CADM2: variants seen among roughly 807,000 people sequenced by gnomAD.
The protein encoded by CADM2 is cell adhesion molecule 2, also known as immunoglobulin superfamily member 4D.
Under a neutral mutation model 49.8 loss-of-function variants are expected in CADM2, and 12 were observed. That is an observed-to-expected ratio of 0.24 (90% confidence interval 0.15 to 0.39). The LOEUF (loss-of-function observed/expected upper bound fraction) is 0.39. Among genes scored for constraint, CADM2 ranks in the 10% least tolerant of loss-of-function variants. The pLI, the probability that CADM2 is intolerant of heterozygous loss-of-function variation, is 1.00. For missense variants in CADM2, 378 were observed against 492.3 expected (o/e 0.77, Z 2.20); for synonymous variants, 214 against 175.4 (o/e 1.22, Z -1.74).
chr3:85,165,954 C>G (rs542103005), intron 1 of CADM2, among the ~76,000 whole-genome samples: 1 of 151,538 alleles, frequency 6.6e-6, no homozygotes, highest in African/African-American at 2.4e-5. Flanking sequence ...TAGATTGCAT[C>G]TTAAATCTAT....
At chr3:86,061,953 T>G (rs1469564141) in intron 8 of CADM2, among the ~76,000 whole-genome samples, 1 of 145,326 alleles carries the variant, frequency 6.9e-6, no homozygotes, top group Admixed American at 7.2e-5. Flanking sequence ...TAATGCAATA[T>G]GGAGAAAAGA....
At chr3:85,562,358 A>G (rs2062118049) in intron 1 of CADM2, among the ~76,000 whole-genome samples, 1 of 151,656 alleles carries the variant, frequency 6.6e-6, no homozygotes, top group Non-Finnish European at 1.5e-5. Flanking sequence ...CACGCCTGAA[A>G]TCCCAGCTAC....
chr3:85,335,575 C>T (rs1290846712), intron 1 of CADM2, among the ~76,000 whole-genome samples: 1 of 150,802 alleles, frequency 6.6e-6, no homozygotes, highest in Non-Finnish European at 1.5e-5. Flanking sequence ...TTGTTGAGGA[C>T]ATTCAAAATC....
intron 1 of CADM2, among the ~76,000 whole-genome samples, chr3:85,698,643 C>A (rs910257605): frequency 1.3e-5 from 2 of 152,120 alleles, no homozygotes; most frequent in East Asian, 3.9e-4. Flanking sequence ...CTTATGAGAA[C>A]TCTACCATGA....
chr3:85,504,614 C>T (rs2040245481), intron 1 of CADM2, among the ~76,000 whole-genome samples: 1 of 152,204 alleles, frequency 6.6e-6, no homozygotes, highest in Admixed American at 6.5e-5. Flanking sequence ...CTGGCTTCAC[C>T]CAGTAGATAC....
intron 7 of CADM2, among the ~76,000 whole-genome samples, chr3:85,953,040 C>A (rs1723641062): frequency 1.3e-5 from 2 of 150,652 alleles, no homozygotes; most frequent in Non-Finnish European, 3.0e-5. Flanking sequence ...ACCTGTACCC[C>A]AAACTTTTCA....
At chr3:86,032,320 T>A (rs1015330842) in intron 8 of CADM2, among the ~76,000 whole-genome samples, 1 of 151,830 alleles carries the variant, frequency 6.6e-6, no homozygotes, top group Non-Finnish European at 1.5e-5. Context: ...ACAGCTTTTG[T>A]TTCAAAGGAC....
chr3:85,813,917 T>C (rs1464347023), intron 3 of CADM2, among the ~76,000 whole-genome samples: 1 of 152,170 alleles, frequency 6.6e-6, no homozygotes, highest in East Asian at 1.9e-4. Flanking sequence ...TTGGTACTAC[T>C]ACCATGCTGT....
At chr3:86,017,929 A>G (rs551571367) in intron 8 of CADM2, among the ~76,000 whole-genome samples, 33 of 144,230 alleles carry the variant, frequency 2.3e-4, no homozygotes, top group Non-Finnish European at 3.0e-4. Context: ...CACATTGTGC[A>G]GGTTAGTTAC....
At chr3:85,400,520 AAT>A (rs1435819786) in intron 1 of CADM2, among the ~76,000 whole-genome samples, 1 of 152,152 alleles carries the variant, frequency 6.6e-6, no homozygotes, top group Non-Finnish European at 1.5e-5. Context: ...TTTCAGAAGG[AAT>A]GGTACCAGCT....
chr3:85,839,330 T>C (rs1028925550), intron 3 of CADM2, among the ~76,000 whole-genome samples: 7 of 151,836 alleles, frequency 4.6e-5, no homozygotes, highest in African/African-American at 1.7e-4. Flanking sequence ...CTGAAATATA[T>C]GAAAATTCCT....
intron 1 of CADM2, among the ~76,000 whole-genome samples, chr3:85,012,018 A>G (rs960894805): frequency 2.6e-5 from 4 of 152,030 alleles, no homozygotes; most frequent in African/African-American, 9.7e-5. Context: ...TCCACACTTT[A>G]TTTAAACTAC....
chr3:85,399,248 C>T (rs1282807573), intron 1 of CADM2, among the ~76,000 whole-genome samples: 1 of 152,152 alleles, frequency 6.6e-6, no homozygotes, highest in Non-Finnish European at 1.5e-5. Flanking sequence ...AATAGGGAAT[C>T]CTTTCCCCAT....
Position 85,167,889 on chromosome 3 carries a change from T to A in CADM2, c.61+208221T>A, listed in dbSNP as rs989923192. On this transcript the variant is annotated intron_variant, in intron 1 of 9. Coordinates refer to ENST00000383699, the MANE Select transcript of CADM2 (RefSeq NM_001167675.2). ...ACACATTCCTTGGGCTTTCTTCATA[T>A]GTTGGGTGTGTATATATATGTATAT... 2.0e-5 allele frequency among the ~76,000 whole-genome samples: 3 copies of A among 152,232 alleles called. No homozygotes were observed. In the East Asian group the frequency reaches 5.8e-4, roughly 29 times the overall value.
chr3:85,950,137 T>C (rs539285604), intron 7 of CADM2, among the ~76,000 whole-genome samples: 1 of 151,232 alleles, frequency 6.6e-6, no homozygotes, highest in Non-Finnish European at 1.5e-5. Flanking sequence ...GAATGGTTAT[T>C]GTTAAATATA....
Position 85,209,712 on chromosome 3 carries a change from T to C in CADM2, c.61+250044T>C, listed in dbSNP as rs899298663. Among the ~76,000 whole-genome samples the C allele has an allele frequency of 1.2e-4, 18 of 151,932 alleles. No individual in the cohort carries two copies. In the South Asian group the frequency reaches 1.5e-3, roughly 12 times the overall value. ...AAAAACACACAGCCACCTTGAAACATGTTGCTGCACACTGCAGGCGTTTCC... is the reference window on the plus strand; with the variant it reads ...AAAAACACACAGCCACCTTGAAACACGTTGCTGCACACTGCAGGCGTTTCC... On this transcript the variant is annotated intron_variant, in intron 1 of 9. Transcript: ENST00000383699.
chr3:85,834,040 A>G (rs899920921), intron 3 of CADM2, among the ~76,000 whole-genome samples: 1 of 151,556 alleles, frequency 6.6e-6, no homozygotes, highest in Admixed American at 6.6e-5. Context: ...CTAGTGGGAA[A>G]TTTTATAGGA....
chr3:85,712,647 C>G (rs2067151229), intron 1 of CADM2, among the ~76,000 whole-genome samples: 1 of 152,128 alleles, frequency 6.6e-6, no homozygotes, highest in Non-Finnish European at 1.5e-5. Context: ...GAAGCTCCTT[C>G]CCTTCAAATA....
chr3:85,626,357 T>A (rs1469000410), intron 1 of CADM2, among the ~76,000 whole-genome samples: 1 of 151,986 alleles, frequency 6.6e-6, no homozygotes, highest in Non-Finnish European at 1.5e-5. Context: ...AAATGTTGAA[T>A]TAAACAGTTT....
Sources: gnomAD v4.1 joint callset for allele counts (sites outside exome capture counted in the v4.1 genomes callset) on GRCh38, gnomAD v4.1.1 for gene constraint, MANE v1.5 for transcripts, NCBI Gene and HGNC (gene_info 2026-07-23, HGNC 2026-07-21) for gene names.